The following PPP1R1C variants were observed in gnomAD, a reference collection of about 807,000 sequenced individuals.
The protein encoded by PPP1R1C is protein phosphatase 1 regulatory inhibitor subunit 1C.
PPP1R1C carries 15 observed loss-of-function variants against 17.4 expected under a neutral mutation model. The ratio of observed to expected loss-of-function variants is 0.86; its 90% confidence interval spans 0.58 to 1.33. The LOEUF is 1.33. PPP1R1C is among the 40% of genes most tolerant of loss of function. The probability of loss-of-function intolerance (pLI) is 0.00; values close to 1 mark genes in which losing one functional copy is unlikely to be tolerated. For synonymous variants in PPP1R1C, 35 were observed against 43.1 expected (o/e 0.81, Z 0.73); for missense variants, 143 against 130.0 (o/e 1.10, Z -0.48).
chr2:182,112,047 G>A (rs2125234906), intron 4 of PPP1R1C, among the ~76,000 whole-genome samples: 1 of 152,176 alleles, frequency 6.6e-6, no homozygotes, highest in Admixed American at 6.5e-5. Context: ...TTTTCCTAAT[G>A]CACCATTTGT....
At chr2:182,121,645 G>A (rs192261283), downstream of PPP1R1C, among the ~76,000 whole-genome samples, 122 of 151,906 alleles carry the variant, frequency 8.0e-4, no homozygotes, top group Admixed American at 3.0e-3. Context: ...CCACCACCAC[G>A]CCCAGCTGAT....
intron 2 of PPP1R1C, among the ~76,000 whole-genome samples, chr2:181,980,444 T>C (rs1314256763): frequency 1.3e-5 from 2 of 152,236 alleles, no homozygotes; most frequent in African/African-American, 4.8e-5. Flanking sequence ...AAGTCTACAA[T>C]GTCTAAAATT....
intron 1 of PPP1R1C, among the ~76,000 whole-genome samples, chr2:181,969,490 T>C (rs557216058): frequency 6.6e-6 from 1 of 152,336 alleles, no homozygotes; most frequent in South Asian, 2.1e-4. Context: ...GGAACTTCTT[T>C]GTTATTTGTT....
Position 182,096,444 on chromosome 2 carries a change from C to A in PPP1R1C, c.242-20763C>A, listed in dbSNP as rs543670241. Among the ~76,000 whole-genome samples the A allele has an allele frequency of 4.0e-5, 6 of 150,600 alleles. No individual in the cohort carries two copies. In the South Asian group the frequency reaches 1.2e-3, roughly 31 times the overall value. ...TCTTTTGGGGTATTGTATTCTGAGT[C>A]CGTACACGGCTTTCCAATGCCCTTA... On this transcript the variant is annotated intron_variant, in intron 4 of 4. Coordinates refer to ENST00000682840, the MANE Select transcript of PPP1R1C (RefSeq NM_001080545.3).
chr2:182,042,016 T>C (rs1687198129), intron 2 of PPP1R1C, among the ~76,000 whole-genome samples: 2 of 152,238 alleles, frequency 1.3e-5, no homozygotes, highest in African/African-American at 4.8e-5. Context: ...GTCATACTTT[T>C]TCCTTTTCCG....
chr2:182,069,505 C>T (rs1442449096), intron 4 of PPP1R1C, among the ~76,000 whole-genome samples: 1 of 151,706 alleles, frequency 6.6e-6, no homozygotes. Context: ...GAGGAAAATA[C>T]CAGCAAGTAT....
chr2:182,114,741 A>G (rs1484015150), intron 4 of PPP1R1C, among the ~76,000 whole-genome samples: 1 of 152,156 alleles, frequency 6.6e-6, no homozygotes, highest in Non-Finnish European at 1.5e-5. Context: ...TTCACCTGGA[A>G]ATAGTAATGC....
chr2:181,986,337 C>A, intron 1 of PPP1R1C, 146 bp downstream of exon 1: 1 of 657,290 alleles, frequency 1.5e-6, no homozygotes, highest in Non-Finnish European at 2.7e-6. Context: ...TTGGTTTTTA[C>A]ACATACTTGT....
rs190897665 is a variant in PPP1R1C at position 182,017,894 on chromosome 2, A to G, written c.142+29995A>G. Among the ~76,000 whole-genome samples the G allele has an allele frequency of 1.3e-3, 200 of 152,206 alleles. 1 individual carries two copies. Among genetic ancestry groups the G allele is most frequent in the Non-Finnish European group, 2.0e-3 (135 of 67,930 alleles). ...ATAAGTCAACAAAGGGAAAGATCAT[A>G]CTTTTTTGTTTTGCATTGTAAAACA... On this transcript the variant is annotated intron_variant, in intron 2 of 4. Coordinates refer to ENST00000682840, the MANE Select transcript of PPP1R1C (RefSeq NM_001080545.3).
Position 181,957,157 on chromosome 2 carries a change from C to T in PPP1R1C, n.111+2523C>T, listed in dbSNP as rs1453859758. ...GGCGGATTATCTGAGGTCAGGAGTT[C>T]GAGAACAGCCTGGCCAAAATGATGA... On this transcript the variant is annotated intron_variant and non_coding_transcript_variant, in intron 1 of 5. Transcript: ENST00000464264. The surrounding 1 kb of genome is among the most constrained non-coding windows in gnomAD (Gnocchi z 4.2). 6.6e-6 allele frequency among the ~76,000 whole-genome samples: 1 copy of T among 152,084 alleles called. No homozygotes were observed. The highest frequency in any genetic ancestry group is 1.5e-5 in the Non-Finnish European group (1 of 68,010).
intron 2 of PPP1R1C, among the ~76,000 whole-genome samples, chr2:182,003,308 T>C (rs1369675834): frequency 6.6e-6 from 1 of 152,158 alleles, no homozygotes; most frequent in East Asian, 1.9e-4. Context: ...ACAAAACCTG[T>C]AAATCTACTT....
intron 1 of PPP1R1C, 78 bp from the exon 2 acceptor site, chr2:181,987,761 A>G (rs766933806): frequency 9.7e-6 from 14 of 1,436,640 alleles, no homozygotes; most frequent in Non-Finnish European, 1.4e-5. Flanking sequence ...TGAGGGTGAG[A>G]CAGCTTTGCA....
At chr2:181,989,655 C>CT (rs199604973) in intron 2 of PPP1R1C, among the ~76,000 whole-genome samples, 59 of 151,332 alleles carry the variant, frequency 3.9e-4, no homozygotes, top group African/African-American at 8.0e-4. Flanking sequence ...CTCTAGAAAC[C>CT]TTTTTTTTTG....
chr2:182,116,605 A>C (rs969200721), intron 4 of PPP1R1C, among the ~76,000 whole-genome samples: 3 of 152,186 alleles, frequency 2.0e-5, no homozygotes, highest in African/African-American at 7.2e-5. Flanking sequence ...GGCTGGTGAG[A>C]AATGGTAGAG....
chr2:182,087,025 C>A (rs1419676168), intron 4 of PPP1R1C, among the ~76,000 whole-genome samples: 1 of 151,876 alleles, frequency 6.6e-6, no homozygotes, highest in African/African-American at 2.4e-5. Context: ...TTTTATATTT[C>A]TTTTTAACTC....
downstream of PPP1R1C, among the ~76,000 whole-genome samples, chr2:182,120,250 T>C (rs1689701135): frequency 6.6e-6 from 1 of 152,154 alleles, no homozygotes; most frequent in Non-Finnish European, 1.5e-5. Context: ...GGCTCTGTTT[T>C]GTTCCATTGG....
chr2:182,013,160 T>C (rs1367101652), intron 2 of PPP1R1C, among the ~76,000 whole-genome samples: 1 of 152,160 alleles, frequency 6.6e-6, no homozygotes, highest in Non-Finnish European at 1.5e-5. Flanking sequence ...CTCATTAATG[T>C]TCTTTTCTTT....
intron 4 of PPP1R1C, among the ~76,000 whole-genome samples, chr2:182,078,095 G>T (rs1279163973): frequency 6.6e-6 from 1 of 152,122 alleles, no homozygotes; most frequent in African/African-American, 2.4e-5. Context: ...CAGGAGAATC[G>T]CTTGAGCCCG....
intron 4 of PPP1R1C, among the ~76,000 whole-genome samples, chr2:182,078,269 T>A (rs1021174122): frequency 4.6e-5 from 7 of 152,192 alleles, no homozygotes; most frequent in Non-Finnish European, 8.8e-5. Flanking sequence ...ATTATTAAAT[T>A]GTGAGCCACC....
Sources: gnomAD v4.1 joint callset for allele counts (sites outside exome capture counted in the v4.1 genomes callset) on GRCh38, gnomAD v4.1.1 for gene constraint, Gnocchi (gnomAD v3.1) non-coding constraint, MANE v1.5 for transcripts, NCBI Gene and HGNC (gene_info 2026-07-23, HGNC 2026-07-21) for gene names.